Variants in SCRG1 observed in about 807,000 individuals in gnomAD.
SCRG1 encodes the protein scrapie-responsive protein 1.
SCRG1 carries 3 observed loss-of-function variants against 7.7 expected under a neutral mutation model. That is an observed-to-expected ratio of 0.39 (90% CI 0.18 to 1.01). SCRG1 has a LOEUF of 1.01. SCRG1 is among the 50% of genes least tolerant of loss of function. SCRG1 has a pLI of 0.36. For missense variants in SCRG1, 110 were observed against 117.2 expected (o/e 0.94, Z 0.28); for synonymous variants, 46 against 41.2 (o/e 1.12, Z -0.44).
chr4:173,501,600 G>A, the SCRG1 span, among the ~76,000 whole-genome samples: 2 of 152,148 alleles, frequency 1.3e-5, no homozygotes, highest in Non-Finnish European at 2.9e-5. The surrounding 1 kb of genome is among the most constrained non-coding windows in gnomAD (Gnocchi z 5.1). Context: ...GATTCAGAAG[G>A]GGGGGCCGGG....
chr4:173,472,688 A>T, the SCRG1 span, among the ~76,000 whole-genome samples: 2 of 8,362 alleles, frequency 2.4e-4, no homozygotes, highest in East Asian at 0.062. Context: ...CTCTTACTTG[A>T]GGGAGGTTTG....
At chr4:173,424,950 G>C in the SCRG1 span, among the ~76,000 whole-genome samples, 1 of 22,892 alleles carries the variant, frequency 4.4e-5, no homozygotes, top group African/African-American at 7.3e-5. Flanking sequence ...AATGTGTGAA[G>C]CCCATATAAT....
the SCRG1 span, among the ~76,000 whole-genome samples, chr4:173,494,524 G>A: frequency 5.3e-5 from 8 of 152,364 alleles, no homozygotes; most frequent in Non-Finnish European, 8.8e-5. Context: ...AGCAAGCAAG[G>A]AAATCCTCCA....
the SCRG1 span, among the ~76,000 whole-genome samples, chr4:173,477,877 T>TC: frequency 2.0e-5 from 3 of 151,720 alleles, no homozygotes; most frequent in African/African-American, 4.8e-5. Flanking sequence ...CAAGTGATAG[T>TC]CCCCCCACAG....
chr4:173,426,609 T>C, the SCRG1 span, among the ~76,000 whole-genome samples: 1 of 152,300 alleles, frequency 6.6e-6, no homozygotes, highest in South Asian at 2.1e-4. Context: ...AGTACATGTG[T>C]GCTCCTCCAC....
the SCRG1 span, among the ~76,000 whole-genome samples, chr4:173,517,278 G>A: frequency 0.024 from 3,598 of 152,324 alleles, 109 homozygotes; most frequent in East Asian, 0.067. Context: ...CCCGTGCACA[G>A]GAACCTTTTA....
In SCRG1 at chr4:173,387,266, T is replaced by C. The variant is rs1560827538; in HGVS notation, c.*1075A>G. ...TAAACTTGAGTTAGCAGCTGAAAAA[T>C]GGGGCTGAGAATATTTACCTTGAAG... On this transcript the variant is annotated 3_prime_UTR_variant, in exon 3 of 3. Transcript: ENST00000296506. 6.6e-6 allele frequency: 1 copy of C among 152,144 alleles called. No individual in the cohort carries two copies. Among genetic ancestry groups the C allele is most frequent in the Non-Finnish European group, 1.5e-5 (1 of 68,034 alleles). 9.4% of individuals were successfully genotyped at this position (152,144 alleles called of 1,614,324 possible).
the SCRG1 span, among the ~76,000 whole-genome samples, chr4:173,485,011 TATATAATATATA>T: frequency 9.1e-5 from 1 of 10,998 alleles, no homozygotes; most frequent in Non-Finnish European, 1.9e-4. Context: ...ATAAATATAA[TATATAATATATA>T]ATATATTATA....
the SCRG1 span, among the ~76,000 whole-genome samples, chr4:173,483,088 T>A: frequency 1.7e-5 from 2 of 120,500 alleles, no homozygotes; most frequent in Non-Finnish European, 3.2e-5. Context: ...ATATATTATA[T>A]AATTTATCCT....
chr4:173,513,874 A>G, the SCRG1 span, among the ~76,000 whole-genome samples: 1 of 152,204 alleles, frequency 6.6e-6, no homozygotes, highest in Non-Finnish European at 1.5e-5. Context: ...AAGAAACTGG[A>G]CAGACTTCAG....
chr4:173,502,620 G>A, the SCRG1 span, among the ~76,000 whole-genome samples: 3 of 152,122 alleles, frequency 2.0e-5, no homozygotes, highest in Non-Finnish European at 4.4e-5. This position sits in a 1 kb window ranked among gnomAD's most constrained non-coding sequence, Gnocchi z 4.6. Flanking sequence ...GCCTGAGGCT[G>A]CAAAGATTGG....
chr4:173,490,509 G>T, the SCRG1 span, among the ~76,000 whole-genome samples: 7 of 152,222 alleles, frequency 4.6e-5, no homozygotes, highest in African/African-American at 1.4e-4. Context: ...AGGCCCTGCG[G>T]GTCATGGACA....
the SCRG1 span, among the ~76,000 whole-genome samples, chr4:173,515,203 G>A: frequency 1.7e-4 from 26 of 152,300 alleles, no homozygotes; most frequent in Non-Finnish European, 3.5e-4. This position sits in a 1 kb window ranked among gnomAD's most constrained non-coding sequence, Gnocchi z 4.6. Flanking sequence ...AACATACGGT[G>A]CCAGGATTTT....
At position 173,391,153 on chromosome 4, in the gene SCRG1, T is replaced by C. The variant is rs1411949312; in HGVS notation, c.242+20A>G. On this transcript the variant is annotated intron_variant, in intron 2 of 2. Coordinates refer to ENST00000296506, the MANE Select transcript of SCRG1 (RefSeq NM_007281.4). The stretch of plus-strand genomic sequence containing the variant: ...TGCATACATTTCCAGGCAATACACT[T>C]TGTGATACCATTTCCTTACTTTGGG... 1 of 1,612,942 alleles carries C rather than the reference T, an allele frequency of 6.2e-7. No homozygotes were observed. The highest frequency in any genetic ancestry group is 1.7e-4 in the Middle Eastern group (1 of 6,060).
chr4:173,496,759 C>T, the SCRG1 span, among the ~76,000 whole-genome samples: 1 of 152,092 alleles, frequency 6.6e-6, no homozygotes, highest in African/African-American at 2.4e-5. Context: ...AAGTATTGCC[C>T]AGGGAGAAGG....
At chr4:173,459,935 A>G in the SCRG1 span, among the ~76,000 whole-genome samples, 3 of 152,182 alleles carry the variant, frequency 2.0e-5, no homozygotes, top group African/African-American at 7.2e-5. Flanking sequence ...GAGGAGACTG[A>G]TATGCTAATT....
At chr4:173,390,273 C>T (rs1422752431) in intron 2 of SCRG1, among the ~76,000 whole-genome samples, 3 of 151,702 alleles carry the variant, frequency 2.0e-5, no homozygotes, top group Non-Finnish European at 2.9e-5. Context: ...AAGTACAAAA[C>T]GATAGTAGAT....
At chr4:173,495,670 C>T in the SCRG1 span, among the ~76,000 whole-genome samples, 1 of 152,228 alleles carries the variant, frequency 6.6e-6, no homozygotes, top group Non-Finnish European at 1.5e-5. Context: ...GAAACTGAAG[C>T]ATGGAACAAT....
the SCRG1 span, among the ~76,000 whole-genome samples, chr4:173,482,971 A>G: frequency 7.5e-6 from 1 of 132,534 alleles, no homozygotes; most frequent in South Asian, 2.2e-4. Flanking sequence ...TATTGTATAT[A>G]TAATATATAA....
Sources: allele counts gnomAD v4.1 joint callset (sites outside exome capture counted in the v4.1 genomes callset), GRCh38; gene constraint gnomAD v4.1.1; non-coding constraint Gnocchi (gnomAD v3.1); transcripts MANE v1.5; gene names NCBI Gene and HGNC (gene_info 2026-07-23, HGNC 2026-07-21).